The following TBC1D15 variants were observed in gnomAD, a reference collection of about 807,000 sequenced individuals.
The protein encoded by TBC1D15 is TBC1 domain family member 15, also known as GAP for RAB7.
A neutral mutation model predicts 95.4 loss-of-function variants in TBC1D15; 39 were observed. The observed-to-expected ratio is 0.41, with a 90% confidence interval of 0.32 to 0.53. The LOEUF (loss-of-function observed/expected upper bound fraction) is 0.53, where lower values mean the gene tolerates loss of function less well. Ranked by LOEUF, TBC1D15 falls within the 20% of genes least tolerant of loss-of-function variation. TBC1D15 has a pLI of 0.29. For missense variants in TBC1D15, 733 were observed against 794.3 expected (o/e 0.92, Z 0.93); for synonymous variants, 258 against 261.3 (o/e 0.99, Z 0.12).
At chr12:71,884,102 C>T (rs1454225280) in intron 4 of TBC1D15, among the ~76,000 whole-genome samples, 2 of 152,082 alleles carry the variant, frequency 1.3e-5, no homozygotes, top group Non-Finnish European at 2.9e-5. Context: ...AACTTTTTAT[C>T]TTTTCATCAA....
chr12:71,882,415 ACTGTT>A (rs1895387427), intron 4 of TBC1D15, among the ~76,000 whole-genome samples: 1 of 152,182 alleles, frequency 6.6e-6, no homozygotes, highest in Non-Finnish European at 1.5e-5. Context: ...GACTTACTGA[ACTGTT>A]CTGCTCTTAC....
chr12:71,876,350 G>A (rs1893817335), intron 3 of TBC1D15, among the ~76,000 whole-genome samples: 1 of 152,072 alleles, frequency 6.6e-6, no homozygotes, highest in Non-Finnish European at 1.5e-5. Flanking sequence ...ACTGTGGAAG[G>A]TGGGGATTTA....
At chr12:71,863,010 G>A (rs1183094972) in intron 1 of TBC1D15, among the ~76,000 whole-genome samples, 1 of 152,044 alleles carries the variant, frequency 6.6e-6, no homozygotes, top group Non-Finnish European at 1.5e-5. Context: ...AGTATTCTTG[G>A]CTGGAAGTAT....
At position 71,920,702 on chromosome 12, in the gene TBC1D15, T is replaced by C. The variant is rs750803440; in HGVS notation, c.1600-29T>C. 3.3e-6 allele frequency: 5 copies of C among 1,510,946 alleles called. No homozygotes were observed. The African/African-American group carries it at 6.9e-5, about 21-fold the overall frequency. The allele number at this position is 1,510,946 out of a possible 1,614,324, so 93.6% of individuals were successfully genotyped here. A position where few individuals can be genotyped will look rare whatever the true frequency, so the allele number is the denominator to read the frequency against. On this transcript the variant is annotated intron_variant, in intron 14 of 16. Transcript: ENST00000485960. ...GAAAATGTTTTAGAATTGATACAAT[T>C]TGCAAAATAGTTCTTCTGCCTTCTA...
chr12:71,861,623 T>C, intron 1 of TBC1D15: 1 of 765,394 alleles, frequency 1.3e-6, no homozygotes. Context: ...GGTTTGTCAA[T>C]TTTGGCTGCC....
chr12:71,899,466 A>G (rs1182205181), intron 10 of TBC1D15, among the ~76,000 whole-genome samples: 5 of 152,196 alleles, frequency 3.3e-5, no homozygotes, highest in African/African-American at 4.8e-5. Context: ...AGTGCATAAA[A>G]TAAGTTAGTT....
chr12:71,848,309 C>G (rs1428853356), intron 1 of TBC1D15, among the ~76,000 whole-genome samples: 1 of 152,188 alleles, frequency 6.6e-6, no homozygotes, highest in Non-Finnish European at 1.5e-5. Context: ...TTTCCACTGG[C>G]AGTGTATGAA....
At chr12:71,916,987 C>G (rs1903854320) in intron 12 of TBC1D15, among the ~76,000 whole-genome samples, 2 of 144,082 alleles carry the variant, frequency 1.4e-5, no homozygotes, top group African/African-American at 5.9e-5. Context: ...CATTAAATAA[C>G]AACACATTCT....
At chr12:71,916,429 C>G (rs1425213462) in intron 12 of TBC1D15, among the ~76,000 whole-genome samples, 2 of 152,142 alleles carry the variant, frequency 1.3e-5, no homozygotes, top group African/African-American at 4.8e-5. Context: ...CTCTATAGAT[C>G]TCTCTGGTAA....
chr12:71,902,784 A>G (rs1899723346), intron 10 of TBC1D15, among the ~76,000 whole-genome samples: 1 of 152,234 alleles, frequency 6.6e-6, no homozygotes, highest in Non-Finnish European at 1.5e-5. Context: ...AACAGGGTAA[A>G]CAGACAAGCT....
chr12:71,877,557 T>C (rs1377139854), intron 3 of TBC1D15, among the ~76,000 whole-genome samples: 3 of 125,634 alleles, frequency 2.4e-5, no homozygotes, highest in Non-Finnish European at 4.9e-5. Context: ...CCTTCCTTCC[T>C]TCCTTTCTTC....
chr12:71,858,423 G>A (rs187389323), intron 1 of TBC1D15, among the ~76,000 whole-genome samples: 3 of 150,438 alleles, frequency 2.0e-5, no homozygotes, highest in East Asian at 3.9e-4. Context: ...GATTGACTCC[G>A]TATCTTGGCT....
intron 1 of TBC1D15, among the ~76,000 whole-genome samples, chr12:71,840,874 G>C (rs541291794): frequency 5.3e-5 from 8 of 152,270 alleles, no homozygotes; most frequent in African/African-American, 1.9e-4. Context: ...TTGGAAAATT[G>C]GGCAATTGTG....
intron 5 of TBC1D15, among the ~76,000 whole-genome samples, chr12:71,892,492 T>C (rs1897363094): frequency 6.6e-6 from 1 of 151,990 alleles, no homozygotes; most frequent in African/African-American, 2.4e-5. Flanking sequence ...GAAAAAAGAC[T>C]GGATAATTTG....
intron 1 of TBC1D15, among the ~76,000 whole-genome samples, chr12:71,840,237 T>C (rs561440305): frequency 1.1e-4 from 16 of 152,186 alleles, no homozygotes; most frequent in Non-Finnish European, 1.9e-4. Context: ...TTGGTGAAGA[T>C]GTTTATGCTT....
At position 71,890,750 on chromosome 12, in the gene TBC1D15, A is replaced by C. The variant is rs532425451; in HGVS notation, c.555-2472A>C. ...TCTTGACGCTTAATATTTTTCAGAT[A>C]GTTTTCTTATTTACCAGGAAAACAA... On this transcript the variant is annotated intron_variant, in intron 5 of 16. Coordinates refer to ENST00000485960, the MANE Select transcript of TBC1D15 (RefSeq NM_001146213.3). 2.6e-5 allele frequency among the ~76,000 whole-genome samples: 4 copies of C among 152,308 alleles called. No individual in the cohort carries two copies. The South Asian group carries it at 8.3e-4, about 32-fold the overall frequency.
At chr12:71,910,446 C>G (rs1901938057) in intron 11 of TBC1D15, among the ~76,000 whole-genome samples, 1 of 151,468 alleles carries the variant, frequency 6.6e-6, no homozygotes, top group Admixed American at 6.6e-5. Context: ...TATAAATTAA[C>G]TTGGGCAGTA....
At chr12:71,902,145 A>C (rs1214339786) in intron 10 of TBC1D15, among the ~76,000 whole-genome samples, 1 of 152,240 alleles carries the variant, frequency 6.6e-6, no homozygotes, top group Non-Finnish European at 1.5e-5. Flanking sequence ...AATATTGTTT[A>C]AAATGGCCGT....
At chr12:71,917,602 A>C in intron 12 of TBC1D15, 96 bp from the exon 13 acceptor site, 2 of 769,696 alleles carry the variant, frequency 2.6e-6, no homozygotes, top group Non-Finnish European at 4.1e-6. Flanking sequence ...GTATAAGTTC[A>C]GCATTTGTCC....
Sources: allele counts gnomAD v4.1 joint callset (sites outside exome capture counted in the v4.1 genomes callset), GRCh38; gene constraint gnomAD v4.1.1; transcripts MANE v1.5; gene names NCBI Gene and HGNC (gene_info 2026-07-23, HGNC 2026-07-21).